PPP2R5E: variants seen among roughly 807,000 people sequenced by gnomAD.
The protein encoded by PPP2R5E is protein phosphatase 2 regulatory subunit B'epsilon.
In PPP2R5E, 4 loss-of-function variants were observed where a neutral mutation model predicts 65.3. That is an observed-to-expected ratio of 0.06 (90% confidence interval 0.03 to 0.14). PPP2R5E has a LOEUF of 0.14. PPP2R5E is among the 10% of genes least tolerant of loss of function. The pLI, the probability that PPP2R5E is intolerant of heterozygous loss-of-function variation, is 1.00. For synonymous variants in PPP2R5E, 183 were observed against 187.4 expected (o/e 0.98, Z 0.19); for missense variants, 274 against 556.1 (o/e 0.49, Z 5.10).
At chr14:63,507,871 A>C (rs1369122662) in intron 2 of PPP2R5E, among the ~76,000 whole-genome samples, 1 of 152,088 alleles carries the variant, frequency 6.6e-6, no homozygotes, top group Non-Finnish European at 1.5e-5. Context: ...AGCCACCGCA[A>C]CCGGCCCCAG....
At chr14:63,391,394 A>T (rs1292258038) in intron 10 of PPP2R5E, among the ~76,000 whole-genome samples, 6 of 149,100 alleles carry the variant, frequency 4.0e-5, no homozygotes, top group East Asian at 2.0e-4. Flanking sequence ...GAGATGATGC[A>T]GTTTTGCTTT....
intron 2 of PPP2R5E, among the ~76,000 whole-genome samples, chr14:63,497,138 C>T (rs1891610203): frequency 6.6e-6 from 1 of 152,098 alleles, no homozygotes; most frequent in Non-Finnish European, 1.5e-5. Context: ...ACATTTTAAC[C>T]TTTATTCAGG....
intron 3 of PPP2R5E, among the ~76,000 whole-genome samples, chr14:63,441,531 A>C (rs1318954600): frequency 6.6e-6 from 1 of 152,246 alleles, no homozygotes; most frequent in Non-Finnish European, 1.5e-5. Flanking sequence ...TTTAGTGCAC[A>C]CAGGGTAAAA....
intron 3 of PPP2R5E, among the ~76,000 whole-genome samples, chr14:63,443,230 C>G (rs981534277): frequency 2.0e-5 from 3 of 152,026 alleles, no homozygotes; most frequent in Non-Finnish European, 4.4e-5. Context: ...ACCTCAACAG[C>G]AAGGAAGGAA....
At chr14:63,503,215 G>T (rs955279127) in intron 2 of PPP2R5E, among the ~76,000 whole-genome samples, 1 of 152,080 alleles carries the variant, frequency 6.6e-6, no homozygotes, top group Admixed American at 6.5e-5. Flanking sequence ...GAGTGAGCTA[G>T]ACTAGACAAA....
Position 63,517,774 on chromosome 14 carries a change from T to C in PPP2R5E, c.157+21755A>G, listed in dbSNP as rs1566757452. The stretch of plus-strand genomic sequence containing the variant: ...ATTTGAAATACTTTCAATTATTTAT[T>C]TTTCCAGTCTTCACAGTAACCATAA... On this transcript the variant is annotated intron_variant, in intron 2 of 13. Coordinates refer to ENST00000337537, the MANE Select transcript of PPP2R5E (RefSeq NM_006246.5). Among the ~76,000 whole-genome samples the C allele has an allele frequency of 2.0e-5, 3 of 152,356 alleles. No homozygotes were observed. In the East Asian group the frequency reaches 5.8e-4, roughly 29 times the overall value.
At chr14:63,435,678 C>G (rs896997762) in intron 3 of PPP2R5E, among the ~76,000 whole-genome samples, 5 of 152,218 alleles carry the variant, frequency 3.3e-5, no homozygotes, top group African/African-American at 1.2e-4. Context: ...TCATCCCTGC[C>G]TCTCTCCACC....
At chr14:63,482,413 C>T (rs570674305) in intron 2 of PPP2R5E, among the ~76,000 whole-genome samples, 52 of 152,248 alleles carry the variant, frequency 3.4e-4, no homozygotes, top group African/African-American at 1.2e-3. Context: ...GAGCCAAGAT[C>T]GCACCACTGC....
chr14:63,387,153 G>A (rs568209684), intron 11 of PPP2R5E, among the ~76,000 whole-genome samples: 2 of 152,214 alleles, frequency 1.3e-5, no homozygotes, highest in Admixed American at 1.3e-4. Flanking sequence ...AGGCTGTTCT[G>A]AACATTCTAA....
intron 2 of PPP2R5E, among the ~76,000 whole-genome samples, chr14:63,510,907 A>G (rs988070697): frequency 3.3e-5 from 5 of 152,238 alleles, no homozygotes; most frequent in Non-Finnish European, 7.3e-5. Flanking sequence ...GAGGCAAAAG[A>G]TGATAGTGGT....
chr14:63,466,891 C>T (rs759467018), intron 2 of PPP2R5E, among the ~76,000 whole-genome samples: 1 of 152,088 alleles, frequency 6.6e-6, no homozygotes, highest in South Asian at 2.1e-4. Flanking sequence ...GGACAGCGAA[C>T]GTGTCTGGGA....
chr14:63,485,500 T>C (rs1446302044), intron 2 of PPP2R5E, among the ~76,000 whole-genome samples: 2 of 152,170 alleles, frequency 1.3e-5, no homozygotes, highest in Non-Finnish European at 2.9e-5. Context: ...CCACAACCTC[T>C]GCCTCCCAGG....
intron 2 of PPP2R5E, among the ~76,000 whole-genome samples, chr14:63,456,212 T>C (rs931944061): frequency 6.6e-6 from 1 of 152,212 alleles, no homozygotes; most frequent in Non-Finnish European, 1.5e-5. Context: ...CATATATAAC[T>C]TATAAAAGCA....
At chr14:63,498,229 T>C (rs1891678224) in intron 2 of PPP2R5E, among the ~76,000 whole-genome samples, 1 of 152,248 alleles carries the variant, frequency 6.6e-6, no homozygotes, top group Admixed American at 6.5e-5. Context: ...GTGTGGTTTT[T>C]ATTCAGTGAA....
intron 2 of PPP2R5E, among the ~76,000 whole-genome samples, chr14:63,480,749 C>T (rs1279332165): frequency 1.3e-5 from 2 of 152,144 alleles, no homozygotes; most frequent in African/African-American, 2.4e-5. Context: ...CCTGGCCAGA[C>T]TCCATTTTTT....
intron 11 of PPP2R5E, among the ~76,000 whole-genome samples, chr14:63,386,052 A>G (rs1436323025): frequency 6.6e-6 from 1 of 152,232 alleles, no homozygotes; most frequent in East Asian, 1.9e-4. Flanking sequence ...GGGAAAAGGG[A>G]AAAAGGGGTG....
intron 1 of PPP2R5E, among the ~76,000 whole-genome samples, chr14:63,541,386 T>C (rs1484415054): frequency 6.6e-6 from 1 of 152,222 alleles, no homozygotes; most frequent in African/African-American, 2.4e-5. Flanking sequence ...CATCATCAAA[T>C]ACCAATTTTC....
chr14:63,430,346 TATACATACATACATAC>T (rs36182172), intron 3 of PPP2R5E, among the ~76,000 whole-genome samples: 1 of 135,148 alleles, frequency 7.4e-6, no homozygotes, highest in Non-Finnish European at 1.5e-5. Flanking sequence ...AAAACCCATG[TATACATACATACATAC>T]ATACATACAT....
At position 63,443,213 on chromosome 14, in the gene PPP2R5E, A is replaced by G. The variant is rs76296432; in HGVS notation, c.354+10476T>C. ...GCCAAGAAACAACGTAACGAACTCA[A>G]AGAAAGACCTCAACAGCAAGGAAGG... On this transcript the variant is annotated intron_variant, in intron 3 of 13. Coordinates refer to ENST00000337537, the MANE Select transcript of PPP2R5E (RefSeq NM_006246.5). Among the ~76,000 whole-genome samples the G allele has an allele frequency of 8.0e-3, 1,219 of 152,338 alleles. 42 individuals carry two copies. In the East Asian group the frequency reaches 0.11, roughly 14 times the overall value.
Sources: allele counts gnomAD v4.1 joint callset (sites outside exome capture counted in the v4.1 genomes callset), GRCh38; gene constraint gnomAD v4.1.1; transcripts MANE v1.5; gene names NCBI Gene and HGNC (gene_info 2026-07-23, HGNC 2026-07-21).